LRP1B: variants seen among roughly 807,000 people sequenced by gnomAD.
LRP1B encodes LDL receptor related protein 1B.
In LRP1B, 217 loss-of-function variants were observed where a neutral mutation model predicts 556.6. The observed-to-expected ratio is 0.39, with a 90% CI of 0.35 to 0.44. The LOEUF is 0.44. Among genes scored for constraint, LRP1B ranks in the 20% least tolerant of loss-of-function variants. LRP1B has a pLI of 1.00. For synonymous variants in LRP1B, 2,047 were observed against 1,865.8 expected, an observed-to-expected ratio of 1.10 and a Z score of -2.50; for missense variants, 5,053 against 5,620.8, an observed-to-expected ratio of 0.90 and a Z score of 3.23.
At chr2:141,138,339 C>T (rs1701541005) in intron 7 of LRP1B, among the ~76,000 whole-genome samples, 1 of 151,914 alleles carries the variant, frequency 6.6e-6, no homozygotes. Context: ...TGAAAGCTTT[C>T]CCACTAAGAA....
At chr2:141,227,025 G>A (rs1683275385) in intron 6 of LRP1B, among the ~76,000 whole-genome samples, 1 of 151,896 alleles carries the variant, frequency 6.6e-6, no homozygotes, top group South Asian at 2.1e-4. Context: ...CAGCATTTCA[G>A]TGAATTCCCT....
intron 2 of LRP1B, among the ~76,000 whole-genome samples, chr2:141,482,955 T>TTTTA (rs1192410150): frequency 6.6e-6 from 1 of 151,048 alleles, no homozygotes; most frequent in Non-Finnish European, 1.5e-5. Context: ...TTGTTTTGTT[T>TTTTA]TTTTATTTTA....
At chr2:142,117,958 G>A (rs1707330877) in intron 1 of LRP1B, among the ~76,000 whole-genome samples, 1 of 152,050 alleles carries the variant, frequency 6.6e-6, no homozygotes, top group Non-Finnish European at 1.5e-5. Flanking sequence ...GAGTGCCATT[G>A]CTTGACATGA....
chr2:141,702,227 AG>A (rs1245492114), intron 2 of LRP1B, among the ~76,000 whole-genome samples: 2 of 151,896 alleles, frequency 1.3e-5, no homozygotes, highest in African/African-American at 4.8e-5. Flanking sequence ...GTAGTATCGT[AG>A]TACACAACAG....
rs386391364 is a variant in LRP1B, at chr2:141,186,078, C to CA, written c.1013+2342dup. ...TGAGCGATAGAACGAGACTCTGTCT[C>CA]AAAAAAAAAAAAAAAAAAAAACCAG... On this transcript the variant is annotated intron_variant, in intron 7 of 90. Coordinates refer to ENST00000389484, the MANE Select transcript of LRP1B (RefSeq NM_018557.3). Among the ~76,000 whole-genome samples the CA allele has an allele frequency of 1.9e-3, 147 of 77,604 alleles. 6 individuals carry two copies. Among genetic ancestry groups the CA allele is most frequent in the African/African-American group, 5.8e-3 (116 of 20,050 alleles). The allele number at this position is 77,604 out of a possible 152,430, so 50.9% of individuals were successfully genotyped here.
At chr2:140,748,092 AATATATATATATATATAT>A (rs757456196) in intron 35 of LRP1B, among the ~76,000 whole-genome samples, 3 of 6,950 alleles carry the variant, frequency 4.3e-4, no homozygotes, top group African/African-American at 1.6e-3. Flanking sequence ...AAGTCCTATG[AATATATATATATATATAT>A]ATATATATAT....
At chr2:141,706,062 A>G (rs547052393) in intron 2 of LRP1B, among the ~76,000 whole-genome samples, 1 of 152,116 alleles carries the variant, frequency 6.6e-6, no homozygotes, top group South Asian at 2.1e-4. Flanking sequence ...ATTCCTATAA[A>G]CCTATATGGA....
intron 73 of LRP1B, 52 bp downstream of exon 73, chr2:140,358,769 A>C: frequency 6.3e-7 from 1 of 1,584,110 alleles, no homozygotes; most frequent in Non-Finnish European, 8.6e-7. Flanking sequence ...ACTCCAAGTC[A>C]TCAGAGAACC....
chr2:142,027,229 A>C (rs144732926), intron 1 of LRP1B, among the ~76,000 whole-genome samples: 1 of 151,972 alleles, frequency 6.6e-6, no homozygotes, highest in Non-Finnish European at 1.5e-5. Context: ...CAAATTAAAA[A>C]AACAAAAACC....
chr2:142,032,379 A>G (rs529740153), intron 1 of LRP1B, among the ~76,000 whole-genome samples: 4 of 151,740 alleles, frequency 2.6e-5, no homozygotes, highest in Non-Finnish European at 4.4e-5. Flanking sequence ...TATATCATCA[A>G]TTTCTTAACC....
intron 46 of LRP1B, 143 bp from the exon 47 acceptor site, chr2:140,534,283 T>G (rs1356142128): frequency 2.6e-6 from 2 of 762,876 alleles, no homozygotes; most frequent in Non-Finnish European, 4.1e-6. Context: ...AGCTCTGGAT[T>G]AGAATGTTTA....
At chr2:141,442,009 G>A (rs1680996234) in intron 3 of LRP1B, among the ~76,000 whole-genome samples, 2 of 152,092 alleles carry the variant, frequency 1.3e-5, no homozygotes, top group South Asian at 4.1e-4. Flanking sequence ...CCCTATATTT[G>A]CAGATACATG....
chr2:140,649,577 ATAAAAGACAAGTATCCACTGC>A (rs906835711), intron 41 of LRP1B, among the ~76,000 whole-genome samples: 1 of 152,238 alleles, frequency 6.6e-6, no homozygotes, highest in Non-Finnish European at 1.5e-5. Context: ...TAGAGCTTTG[ATAAAAGACAAGTATCCACTGC>A]TAAAGTTTGC....
At chr2:141,435,954 T>C (rs1466754634) in intron 3 of LRP1B, among the ~76,000 whole-genome samples, 1 of 152,132 alleles carries the variant, frequency 6.6e-6, no homozygotes, top group Non-Finnish European at 1.5e-5. Flanking sequence ...GAAGAAGAAT[T>C]AGCTCCCAAA....
chr2:141,113,002 T>C (rs1558869014), intron 7 of LRP1B, among the ~76,000 whole-genome samples: 3 of 152,220 alleles, frequency 2.0e-5, no homozygotes, highest in Non-Finnish European at 2.9e-5. Context: ...ATTGATAATA[T>C]GCATATTACA....
At chr2:140,566,030 A>G (rs946270915) in intron 43 of LRP1B, among the ~76,000 whole-genome samples, 6 of 152,002 alleles carry the variant, frequency 3.9e-5, no homozygotes, top group Non-Finnish European at 8.8e-5. Flanking sequence ...CACTCCCTGT[A>G]CCCTGCATGG....
intron 35 of LRP1B, among the ~76,000 whole-genome samples, chr2:140,749,674 C>A (rs925928740): frequency 4.6e-5 from 7 of 152,150 alleles, no homozygotes; most frequent in Middle Eastern, 3.2e-3. Flanking sequence ...CCTATGATAA[C>A]AATGCCTTCT....
chr2:140,925,136 C>T (rs1462192297), intron 20 of LRP1B, among the ~76,000 whole-genome samples: 2 of 152,056 alleles, frequency 1.3e-5, no homozygotes, highest in South Asian at 4.1e-4. Context: ...GCAAGCACTA[C>T]ATCATTTCAT....
chr2:140,498,996 T>A (rs1220158050), intron 55 of LRP1B, among the ~76,000 whole-genome samples: 1 of 151,948 alleles, frequency 6.6e-6, no homozygotes, highest in African/African-American at 2.4e-5. Flanking sequence ...TTCTGTCTGA[T>A]AACATATGCG....
Sources: gnomAD v4.1 joint callset for allele counts (sites outside exome capture counted in the v4.1 genomes callset) on GRCh38, gnomAD v4.1.1 for gene constraint, MANE v1.5 for transcripts, NCBI Gene and HGNC (gene_info 2026-07-23, HGNC 2026-07-21) for gene names.